Variants in ZNF621 observed in about 807,000 individuals in gnomAD.
The protein encoded by ZNF621 is zinc finger protein 621.
Under a neutral mutation model 12.7 loss-of-function variants are expected in ZNF621, and 6 were observed. The observed-to-expected ratio is 0.47, with a 90% CI of 0.26 to 0.93. The LOEUF (loss-of-function observed/expected upper bound fraction) is 0.93. Ranked by LOEUF, ZNF621 falls within the 40% of genes least tolerant of loss-of-function variation. ZNF621 has a pLI of 0.15. For synonymous variants in ZNF621, 156 were observed against 190.3 expected (o/e 0.82, Z 1.48); for missense variants, 474 against 524.0 (o/e 0.90, Z 0.93).
At position 40,532,931 on chromosome 3, in the gene ZNF621, A is replaced by G. The variant is rs753514736; in HGVS notation, c.1161A>G (p.Pro387=). 13 of 1,563,156 alleles carry G rather than the reference A, an allele frequency of 8.3e-6. No individual in the cohort carries two copies. The South Asian group carries it at 1.1e-4, about 13-fold the overall frequency. Reference sequence around the variant, plus strand: ...TAGCTGTGCCTTCACTGACCTTTCCACATGCTGTGCTCATTCCTACCTCTG... The same window carrying G: ...TAGCTGTGCCTTCACTGACCTTTCCGCATGCTGTGCTCATTCCTACCTCTG... ...SAVAVPSLTF[P]HAVLIPTSGN... Residue 387 remains proline, a synonymous_variant, in exon 5 of 5, where the codon CCA becomes CCG. Transcript: ENST00000339296.
Position 40,532,624 on chromosome 3 carries a change from A to G in ZNF621, c.854A>G (p.His285Arg). 1 of 1,614,200 alleles carries G rather than the reference A, an allele frequency of 6.2e-7. No homozygotes were observed. The highest frequency in any genetic ancestry group is 8.5e-7 in the Non-Finnish European group (1 of 1,180,034). Residue 285 changes from histidine to arginine, a missense_variant, in exon 5 of 5, where the codon CAT becomes CGT. His to Arg is a conservative substitution (Grantham distance 29). Coordinates refer to ENST00000339296, the MANE Select transcript of ZNF621 (RefSeq NM_198484.5). ...CTTTTTATTGTCCATCAGAGAATTC[A>G]TACTGGGGAGAAACCTTATCAATGT... ...RSLFIVHQRI[H>R]TGEKPYQCKE...
At chr3:40,529,552 A>G (rs764724282) in intron 3 of ZNF621, 107 bp downstream of exon 3, 3 of 1,590,250 alleles carry the variant, frequency 1.9e-6, no homozygotes, top group East Asian at 2.3e-5. Context: ...GAGTTTTGCA[A>G]TCAGCAGCCT....
At position 40,530,124 on chromosome 3, in the gene ZNF621, G is replaced by A. The variant is rs1698687218; in HGVS notation, c.152-85G>A. 2.7e-6 allele frequency: 3 copies of A among 1,112,912 alleles called. No homozygotes were observed. In the African/African-American group the frequency reaches 4.6e-5, roughly 17 times the overall value. 68.9% of individuals were successfully genotyped at this position (1,112,912 alleles called of 1,614,324 possible). ...TGGTGTTCAATTTCTCTCCCAAGTA[G>A]CCTGATGGAGGGTGGGCTGAGAAAG... is the stretch of plus-strand genomic sequence containing the variant. On this transcript the variant is annotated intron_variant, in intron 3 of 4. Coordinates refer to ENST00000339296, the MANE Select transcript of ZNF621 (RefSeq NM_198484.5).
At chr3:40,530,878 G>A (rs937963391) in intron 4 of ZNF621, among the ~76,000 whole-genome samples, 1 of 152,052 alleles carries the variant, frequency 6.6e-6, no homozygotes, top group African/African-American at 2.4e-5. Context: ...AGCCCCCTAC[G>A]CACACACATG....
At chr3:40,525,980 C>A in intron 2 of ZNF621, 116 bp downstream of exon 2, 1 of 1,203,186 alleles carries the variant, frequency 8.3e-7, no homozygotes, top group East Asian at 2.5e-5. Context: ...GCTGTGTTTT[C>A]CCCTTTGTAT....
Position 40,536,327 on chromosome 3 carries a change from A to ACCCACCT in ZNF621, c.*3239_*3245dup, listed in dbSNP as rs1698863420. The ACCCACCT allele has an allele frequency of 6.6e-6, 1 of 152,088 alleles. No homozygotes were observed. The highest frequency in any genetic ancestry group is 1.5e-5 in the Non-Finnish European group (1 of 68,026). 9.4% of individuals were successfully genotyped at this position (152,088 alleles called of 1,614,324 possible). A position where few individuals can be genotyped will look rare whatever the true frequency, so the allele number is the denominator to read the frequency against. ...AACTCCTGGCAGCCTCAAGTGATCC[A>ACCCACCT]CCCACCTCGGTCTCCCAAAGTGTTG... is the stretch of plus-strand genomic sequence containing the variant. On this transcript the variant is annotated 3_prime_UTR_variant, in exon 5 of 5. Coordinates refer to ENST00000339296, the MANE Select transcript of ZNF621 (RefSeq NM_198484.5).
Position 40,532,684 on chromosome 3 carries a change from C to T in ZNF621, c.914C>T (p.Ala305Val). Reference sequence around the variant, plus strand: ...GGCAAAGCCTTCACCCAGAAAATAGCCTCCATTCAGCATCAGAGAGTTCAC... The same window carrying T: ...GGCAAAGCCTTCACCCAGAAAATAGTCTCCATTCAGCATCAGAGAGTTCAC... ...ECGKAFTQKI[A>V]SIQHQRVHTG... The change falls in exon 5 of 5, where the codon GCC becomes GTC. Residue 305 changes from alanine to valine, a missense_variant. By Grantham distance (64) the Ala-to-Val change is moderately conservative. Transcript: ENST00000339296. The T allele has an allele frequency of 6.2e-7, 1 of 1,614,114 alleles. No homozygotes were observed. The highest frequency in any genetic ancestry group is 8.5e-7 in the Non-Finnish European group (1 of 1,180,008).
At chr3:40,524,902 G>C (rs920518882), upstream of ZNF621, 1 of 152,284 alleles carries the variant, frequency 6.6e-6, no homozygotes, top group South Asian at 2.1e-4. Flanking sequence ...GTCTGGCCAC[G>C]GGGCGACCGA....
At chr3:40,529,600 G>A (rs929629390) in intron 3 of ZNF621, 155 bp downstream of exon 3, 1 of 1,529,814 alleles carries the variant, frequency 6.5e-7, no homozygotes, top group Non-Finnish European at 8.8e-7. Context: ...GGTTCTCTTT[G>A]TTTTTTGTTT....
Position 40,529,405 on chromosome 3 carries a change from G to T in ZNF621, c.111G>T (p.Gly37=). The change falls in exon 3 of 5, where the codon GGG becomes GGT. Residue 37 remains glycine, a synonymous_variant. Coordinates refer to ENST00000339296, the MANE Select transcript of ZNF621 (RefSeq NM_198484.5). ...ACCCTGCGCAGAGGGCCCTGTACGGGGAGGTGATGCTGGAGAATTATGCAA... is the reference window on the plus strand; with the variant it reads ...ACCCTGCGCAGAGGGCCCTGTACGGTGAGGTGATGCTGGAGAATTATGCAA... ...SLDPAQRALY[G]EVMLENYANV... The T allele has an allele frequency of 1.9e-6, 3 of 1,613,762 alleles. No homozygotes were observed. Among genetic ancestry groups the T allele is most frequent in the Non-Finnish European group, 2.5e-6 (3 of 1,179,800 alleles).
chr3:40,531,919 C>G (rs1698734438), intron 4 of ZNF621, 111 bp from the exon 5 acceptor site: 1 of 1,014,084 alleles, frequency 9.9e-7, no homozygotes, highest in East Asian at 2.4e-5. Flanking sequence ...TGTATATAAC[C>G]ATTTCACAGG....
chr3:40,532,634 G>C lies in ZNF621; in HGVS notation c.864G>C (p.Glu288Asp). ...TCCATCAGAGAATTCATACTGGGGA[G>C]AAACCTTATCAATGTAAGGAGTGTG... ...FIVHQRIHTG[E>D]KPYQCKECGK... is the part of the protein sequence containing the mutation. Residue 288 changes from glutamate to aspartate, a missense_variant, in exon 5 of 5, where the codon GAG becomes GAC. Glu to Asp is a conservative substitution (Grantham distance 45). Transcript: ENST00000339296. The C allele has an allele frequency of 6.2e-7, 1 of 1,612,468 alleles. No homozygotes were observed. The highest frequency in any genetic ancestry group is 1.3e-5 in the African/African-American group (1 of 74,436).
At chr3:40,523,664 G>A (rs983337458), upstream of ZNF621, among the ~76,000 whole-genome samples, 2 of 152,142 alleles carry the variant, frequency 1.3e-5, no homozygotes, top group African/African-American at 4.8e-5. Context: ...TACTCGGGAG[G>A]CTGAGGAAGG....
chr3:40,523,176 A>G (rs1253387815), upstream of ZNF621, among the ~76,000 whole-genome samples: 3 of 152,152 alleles, frequency 2.0e-5, no homozygotes, highest in Non-Finnish European at 4.4e-5. Context: ...TTAAGAGATA[A>G]TAAGTGTGTT....
rs768227630 is a variant in ZNF621, at chr3:40,532,556, C to G, written c.786C>G (p.Leu262=). 2.4e-5 allele frequency: 39 copies of G among 1,614,006 alleles called. No homozygotes were observed. The highest frequency in any genetic ancestry group is 3.0e-5 in the Non-Finnish European group (35 of 1,180,030). ...QHQRLHTGEK[L]YKCKECWKAF... Reference sequence around the variant, plus strand: ...AGAGATTACACACGGGAGAGAAACTCTATAAATGTAAGGAATGTTGGAAAG... The same window carrying G: ...AGAGATTACACACGGGAGAGAAACTGTATAAATGTAAGGAATGTTGGAAAG... Residue 262 remains leucine (L), a synonymous_variant, in exon 5 of 5, where the codon CTC becomes CTG. Transcript: ENST00000339296.
At chr3:40,526,764 A>G (rs893028853) in intron 2 of ZNF621, among the ~76,000 whole-genome samples, 1 of 152,186 alleles carries the variant, frequency 6.6e-6, no homozygotes, top group African/African-American at 2.4e-5. Flanking sequence ...ACATGGTTGG[A>G]TTTACATATT....
chr3:40,532,455 C>T lies in ZNF621; in HGVS notation c.685C>T (p.His229Tyr), dbSNP rs775033512. ...AGCCTTGACTCAACATCAGAGGATC[C>T]ACACTGGAGAGAAACCCTATGAATG... Reference protein sequence around the residue: ...NTALTQHQRIHTGEKPYECKE... With the variant: ...NTALTQHQRIYTGEKPYECKE... The change falls in exon 5 of 5, where the codon CAC becomes TAC. Residue 229 changes from histidine (H) to tyrosine (Y), a missense_variant. Physicochemically the swap from His to Tyr is moderately conservative, Grantham distance 83. Coordinates refer to ENST00000339296, the MANE Select transcript of ZNF621 (RefSeq NM_198484.5). 6.2e-7 allele frequency: 1 copy of T among 1,613,828 alleles called. No homozygotes were observed. The highest frequency in any genetic ancestry group is 8.5e-7 in the Non-Finnish European group (1 of 1,180,002).
In ZNF621 at chr3:40,535,118, A is replaced by C. The variant is rs1432846101; in HGVS notation, c.*2028A>C. ...TCGGCGAGAGAACAGCAAGCTCCAGAAAGTGGCTGCGCCTTCAGCCCCGTG... is the reference window on the plus strand; with the variant it reads ...TCGGCGAGAGAACAGCAAGCTCCAGCAAGTGGCTGCGCCTTCAGCCCCGTG... On this transcript the variant is annotated 3_prime_UTR_variant, in exon 5 of 5. Coordinates refer to ENST00000339296, the MANE Select transcript of ZNF621 (RefSeq NM_198484.5). 1 of 152,204 alleles carries C rather than the reference A, an allele frequency of 6.6e-6. No homozygotes were observed. Among genetic ancestry groups the C allele is most frequent in the African/African-American group, 2.4e-5 (1 of 41,388 alleles). The allele number at this position is 152,204 out of a possible 1,614,324, so 9.4% of individuals were successfully genotyped here.
chr3:40,532,350 T>A lies in ZNF621; in HGVS notation c.580T>A (p.Cys194Ser). The change falls in exon 5 of 5, where the codon TGT becomes AGT. Residue 194 changes from cysteine to serine, a missense_variant. Coordinates refer to ENST00000339296, the MANE Select transcript of ZNF621 (RefSeq NM_198484.5). ...CGKAFKSSYDCIVHEKNHIGE... is the reference protein window; with the variant it reads ...CGKAFKSSYDSIVHEKNHIGE... ...CAAAGCTTTCAAGTCCAGCTATGAT[T>A]GTATTGTACATGAGAAAAACCACAT... 6.2e-7 allele frequency: 1 copy of A among 1,612,476 alleles called. No homozygotes were observed. Among genetic ancestry groups the A allele is most frequent in the Non-Finnish European group, 8.5e-7 (1 of 1,180,026 alleles).
Sources: gnomAD v4.1 joint callset for allele counts (sites outside exome capture counted in the v4.1 genomes callset) on GRCh38, gnomAD v4.1.1 for gene constraint, MANE v1.5 for transcripts, NCBI Gene and HGNC (gene_info 2026-07-23, HGNC 2026-07-21) for gene names.